Variants in CSMD2 observed in about 807,000 individuals in gnomAD.
CSMD2 encodes CUB and sushi domain-containing protein 2.
CSMD2 carries 130 observed loss-of-function variants against 398.5 expected under a neutral mutation model. That is an observed-to-expected ratio of 0.33 (90% CI 0.28 to 0.38). CSMD2 has a LOEUF of 0.38. Among genes scored for constraint, CSMD2 ranks in the 10% least tolerant of loss-of-function variants. The probability of loss-of-function intolerance (pLI) is 1.00; values close to 1 mark genes in which losing one functional copy is unlikely to be tolerated. For missense variants in CSMD2, 3,829 were observed against 4,764.9 expected (o/e 0.80, Z 5.78); for synonymous variants, 1,828 against 1,908.5 (o/e 0.96, Z 1.10).
chr1:34,056,396 T>C (rs1653835678), intron 2 of CSMD2, among the ~76,000 whole-genome samples: 3 of 152,188 alleles, frequency 2.0e-5, no homozygotes. Flanking sequence ...ATGCTAAGCA[T>C]AAGGCCTGGA....
chr1:34,097,561 G>T (rs1659471633), intron 1 of CSMD2, among the ~76,000 whole-genome samples: 1 of 136,024 alleles, frequency 7.4e-6, no homozygotes, highest in African/African-American at 2.8e-5. Context: ...CAAACAAATT[G>T]ACAAGAAAAA....
rs367924248 is a variant in CSMD2 at position 33,617,623 on chromosome 1, C to G, written c.5828-6G>C. ...ACAACTGCTCAGGCCCACCGCTAGA[C>G]AAGACAGAGACAGAAGGAAAGGAGA... is the stretch of plus-strand genomic sequence containing the variant. On this transcript the variant is annotated splice_polypyrimidine_tract_variant and splice_region_variant and intron_variant, in intron 37 of 70. Transcript: ENST00000373381. 3 of 1,610,052 alleles carry G rather than the reference C, an allele frequency of 1.9e-6. No homozygotes were observed. The highest frequency in any genetic ancestry group is 2.6e-6 in the Non-Finnish European group (3 of 1,176,344).
chr1:33,677,230 C>A (rs1644746809), intron 25 of CSMD2, among the ~76,000 whole-genome samples: 3 of 152,128 alleles, frequency 2.0e-5, no homozygotes, highest in African/African-American at 7.2e-5. Flanking sequence ...GGGCTAACAT[C>A]CAGAATCTAC....
chr1:33,791,630 G>A (rs1654322366), intron 11 of CSMD2, among the ~76,000 whole-genome samples: 1 of 152,246 alleles, frequency 6.6e-6, no homozygotes, highest in Admixed American at 6.5e-5. Context: ...GGACTATACA[G>A]GCGTGCACCA....
At chr1:33,794,740 G>A (rs539538729) in intron 10 of CSMD2, among the ~76,000 whole-genome samples, 13 of 152,316 alleles carry the variant, frequency 8.5e-5, no homozygotes, top group Admixed American at 3.3e-4. Flanking sequence ...AGTCCAATTC[G>A]CAGCAAGGTC....
chr1:33,692,941 G>A lies in CSMD2; in HGVS notation c.4041C>T (p.Gly1347=), dbSNP rs1268969000. 1 of 1,608,824 alleles carries A rather than the reference G, an allele frequency of 6.2e-7. No homozygotes were observed. Among genetic ancestry groups the A allele is most frequent in the Non-Finnish European group, 8.5e-7 (1 of 1,177,752 alleles). Residue 1347 remains glycine (G), a synonymous_variant, in exon 25 of 71, where the codon GGC becomes GGT. Transcript: ENST00000373381. ...NCIWTIEAEA[G]CTIGLHFLVF... ...GCCCTGACACTTACCCAATGGTGCA[G>A]CCGGCCTCTGCTTCGATGGTCCAGA...
chr1:33,981,393 T>C (rs1646161654), intron 3 of CSMD2, among the ~76,000 whole-genome samples: 1 of 152,170 alleles, frequency 6.6e-6, no homozygotes, highest in East Asian at 1.9e-4. Context: ...TATTTGCAAT[T>C]TTCATCCCCC....
At chr1:33,640,116 C>T (rs1643026367) in intron 29 of CSMD2, among the ~76,000 whole-genome samples, 1 of 152,108 alleles carries the variant, frequency 6.6e-6, no homozygotes, top group South Asian at 2.1e-4. Context: ...AAATAAAACC[C>T]AAGCCCTTCA....
At position 33,600,866 on chromosome 1, in the gene CSMD2, G is replaced by A. The variant is rs149501837; in HGVS notation, c.6855C>T (p.Ser2285=). ...ATGGIFAIAF[S]AYPLTKCPPP... Reference sequence around the variant, plus strand: ...ACCAGGCCAGGCTTCCATACTGACCGGAGAAAGCTATGGCGAAGATCCCCC... The same window carrying A: ...ACCAGGCCAGGCTTCCATACTGACCAGAGAAAGCTATGGCGAAGATCCCCC... Residue 2285 remains serine (S), a splice_region_variant and synonymous_variant, in exon 44 of 71, where the codon TCC becomes TCT. Transcript: ENST00000373381. 7.2e-5 allele frequency: 116 copies of A among 1,614,128 alleles called. 4 individuals carry two copies. The South Asian group carries it at 7.7e-4, about 11-fold the overall frequency.
intron 3 of CSMD2, among the ~76,000 whole-genome samples, chr1:34,007,164 C>A (rs1414090120): frequency 6.6e-6 from 1 of 151,690 alleles, no homozygotes; most frequent in African/African-American, 2.4e-5. Flanking sequence ...ACCTGAAGCT[C>A]CCTCTCTGTC....
intron 68 of CSMD2, among the ~76,000 whole-genome samples, chr1:33,520,303 C>A (rs1023292929): frequency 6.6e-6 from 1 of 152,218 alleles, no homozygotes; most frequent in African/African-American, 2.4e-5. Context: ...TCAGATGAAA[C>A]CTTACAGGCA....
At chr1:34,018,036 T>TA (rs72287924) in intron 3 of CSMD2, among the ~76,000 whole-genome samples, 2 of 151,628 alleles carry the variant, frequency 1.3e-5, no homozygotes, top group South Asian at 2.1e-4. Flanking sequence ...AAGAGGAACT[T>TA]AAAAAAAAAT....
intron 51 of CSMD2, among the ~76,000 whole-genome samples, chr1:33,570,018 G>A (rs1190953377): frequency 5.9e-5 from 9 of 152,200 alleles, no homozygotes; most frequent in Non-Finnish European, 1.2e-4. Context: ...AGGCCTAATC[G>A]CCAAGGCTGC....
chr1:34,148,760 G>A (rs546301406), intron 1 of CSMD2, among the ~76,000 whole-genome samples: 15 of 152,320 alleles, frequency 9.8e-5, no homozygotes, highest in African/African-American at 3.6e-4. Flanking sequence ...GAACTAGGAC[G>A]AAGGTTTGCT....
chr1:33,824,624 G>C (rs1207583008), intron 7 of CSMD2, among the ~76,000 whole-genome samples: 1 of 151,950 alleles, frequency 6.6e-6, no homozygotes, highest in Non-Finnish European at 1.5e-5. Flanking sequence ...TCCTCAATAA[G>C]TACTTCTAGC....
chr1:33,762,673 T>G (rs1569798637), intron 13 of CSMD2, among the ~76,000 whole-genome samples: 1 of 152,222 alleles, frequency 6.6e-6, no homozygotes, highest in African/African-American at 2.4e-5. Flanking sequence ...TCTGAAAATC[T>G]GCCAGTTGGA....
chr1:33,764,205 C>A (rs900494803), intron 13 of CSMD2, among the ~76,000 whole-genome samples: 1 of 152,096 alleles, frequency 6.6e-6, no homozygotes, highest in Non-Finnish European at 1.5e-5. Context: ...GAGGCAACAC[C>A]AGCAGCCTCC....
chr1:33,680,918 CTTT>C (rs66489770), intron 25 of CSMD2, among the ~76,000 whole-genome samples: 1 of 75,936 alleles, frequency 1.3e-5, no homozygotes, highest in Admixed American at 2.3e-4. Flanking sequence ...CTGTTTTATG[CTTT>C]TTTTTTTTTT....
Position 33,537,346 on chromosome 1 carries a change from A to G in CSMD2, c.9805+90T>C. 1 of 1,393,962 alleles carries G rather than the reference A, an allele frequency of 7.2e-7. No individual in the cohort carries two copies. 86.3% of individuals were successfully genotyped at this position (1,393,962 alleles called of 1,614,324 possible). ...TCCCTTTTGCAGATGAGACCACTGA[A>G]GACAGGGAAGGAAAGTAATCATCTC... On this transcript the variant is annotated intron_variant, in intron 61 of 70. Transcript: ENST00000373381. The surrounding 1 kb of genome is among the most constrained non-coding windows in gnomAD (Gnocchi z 4.6).
Sources: gnomAD v4.1 joint callset for allele counts (sites outside exome capture counted in the v4.1 genomes callset) on GRCh38, gnomAD v4.1.1 for gene constraint, Gnocchi (gnomAD v3.1) non-coding constraint, MANE v1.5 for transcripts, NCBI Gene and HGNC (gene_info 2026-07-23, HGNC 2026-07-21) for gene names.